Variants in CPS1 observed in about 807,000 individuals in gnomAD.
CPS1 encodes carbamoyl-phosphate synthase [ammonia], mitochondrial.
In CPS1, 109 loss-of-function variants were observed where a neutral mutation model predicts 174.6. The observed-to-expected ratio is 0.62, with a 90% confidence interval of 0.53 to 0.73. CPS1 has a LOEUF of 0.73. Ranked by LOEUF, CPS1 falls within the 30% of genes least tolerant of loss-of-function variation. The probability of loss-of-function intolerance (pLI) is 0.00; values close to 1 mark genes in which losing one functional copy is unlikely to be tolerated. For synonymous variants in CPS1, 637 were observed against 632.0 expected (o/e 1.01, Z -0.12); for missense variants, 1,689 against 1,821.9 (o/e 0.93, Z 1.33).
At chr2:210,553,484 A>T (rs1186790851), upstream of CPS1, among the ~76,000 whole-genome samples, 2 of 147,702 alleles carry the variant, frequency 1.4e-5, no homozygotes, top group African/African-American at 5.0e-5. Context: ...GACTAAATCT[A>T]AAAAAAAAAA....
intron 1 of CPS1, among the ~76,000 whole-genome samples, chr2:210,481,934 G>T (rs1030603721): frequency 6.6e-6 from 1 of 152,242 alleles, no homozygotes; most frequent in East Asian, 1.9e-4. Context: ...CTACTGGTCA[G>T]CCAGTGGCTA....
At chr2:210,536,508 A>G (rs1295003204) in intron 1 of CPS1, among the ~76,000 whole-genome samples, 1 of 152,034 alleles carries the variant, frequency 6.6e-6, no homozygotes, top group African/African-American at 2.4e-5. Context: ...TATTTTTAGT[A>G]GAGACGACAG....
chr2:210,496,129 C>G (rs893355291), intron 1 of CPS1, among the ~76,000 whole-genome samples: 2 of 152,122 alleles, frequency 1.3e-5, no homozygotes, highest in African/African-American at 4.8e-5. Flanking sequence ...GGACTTGCAC[C>G]TCACCAAAAA....
At chr2:210,533,213 A>G (rs2544310) in intron 1 of CPS1, among the ~76,000 whole-genome samples, 58,055 of 151,938 alleles carry the variant, frequency 0.38, 11,433 homozygotes, top group Middle Eastern at 0.51. Context: ...ATCCATGGAA[A>G]TGGTCTCTGG....
intron 33 of CPS1, among the ~76,000 whole-genome samples, chr2:210,666,667 T>C (rs1178858921): frequency 1.3e-5 from 2 of 152,156 alleles, no homozygotes; most frequent in South Asian, 2.1e-4. Context: ...GAGGGCTCTG[T>C]TCCGTTCTAT....
chr2:210,593,238 C>A, intron 11 of CPS1: 1 of 711,758 alleles, frequency 1.4e-6, no homozygotes, highest in Non-Finnish European at 2.1e-6. Flanking sequence ...CTGAAATTTA[C>A]AATTGTTGTA....
chr2:210,608,253 C>A, intron 18 of CPS1, 108 bp from the exon 19 acceptor site: 2 of 991,670 alleles, frequency 2.0e-6, no homozygotes, highest in African/African-American at 1.6e-5. Flanking sequence ...GTGTCTTATA[C>A]CCTGAAGTAG....
rs990064044 is a variant in CPS1, at chr2:210,490,530, C to T, written c.3+12764C>T. Among the ~76,000 whole-genome samples the T allele has an allele frequency of 3.9e-5, 6 of 152,182 alleles. No individual in the cohort carries two copies. The East Asian group carries it at 5.8e-4, about 15-fold the overall frequency. Reference sequence around the variant, plus strand: ...GAATTTATCCTTGAGCTCCTCTTCTCGTTGTAAAGTGCATTGCACCTATAA... The same window carrying T: ...GAATTTATCCTTGAGCTCCTCTTCTTGTTGTAAAGTGCATTGCACCTATAA... On this transcript the variant is annotated intron_variant, in intron 1 of 38. Coordinates refer to the CPS1 transcript ENST00000430249.
At chr2:210,538,052 C>T (rs575956532) in intron 1 of CPS1, among the ~76,000 whole-genome samples, 1 of 152,274 alleles carries the variant, frequency 6.6e-6, no homozygotes, top group East Asian at 1.9e-4. Context: ...CTTCAATCCT[C>T]CTGGTCTTGG....
At chr2:210,551,450 G>A (rs1378883055) in intron 1 of CPS1, among the ~76,000 whole-genome samples, 2 of 151,976 alleles carry the variant, frequency 1.3e-5, no homozygotes, top group Non-Finnish European at 2.9e-5. Context: ...TGGTCTGGGA[G>A]TAGTGTCTTT....
At chr2:210,496,345 TAACCCCC>T (rs1443956852) in intron 1 of CPS1, among the ~76,000 whole-genome samples, 1 of 152,216 alleles carries the variant, frequency 6.6e-6, no homozygotes, top group Non-Finnish European at 1.5e-5. Context: ...TGGTGGTTGA[TAACCCCC>T]ATCTTGTTAT....
At chr2:210,646,375 ATGG>A (rs1700377847) in intron 25 of CPS1, among the ~76,000 whole-genome samples, 1 of 152,206 alleles carries the variant, frequency 6.6e-6, no homozygotes, top group Non-Finnish European at 1.5e-5. Context: ...AATATGCAAA[ATGG>A]TGGATTATTA....
intron 1 of CPS1, among the ~76,000 whole-genome samples, chr2:210,482,684 GA>G: frequency 6.6e-6 from 1 of 152,206 alleles, no homozygotes; most frequent in Non-Finnish European, 1.5e-5. Context: ...GAAAGAGAGA[GA>G]GAGAGAGAGA....
intron 21 of CPS1, among the ~76,000 whole-genome samples, chr2:210,625,849 C>T (rs902215492): frequency 4.3e-4 from 65 of 151,994 alleles, no homozygotes; most frequent in African/African-American, 1.5e-3. Flanking sequence ...TGTGTTTGCT[C>T]TTTATCCTAT....
At position 210,582,819 on chromosome 2, in the gene CPS1, T is replaced by G. The variant is rs1293777755; in HGVS notation, c.621+110T>G. 3 of 868,614 alleles carry G rather than the reference T, an allele frequency of 3.5e-6. No individual in the cohort carries two copies. The African/African-American group carries it at 5.0e-5, about 15-fold the overall frequency. The allele number at this position is 868,614 out of a possible 1,614,324, so 53.8% of individuals were successfully genotyped here. On this transcript the variant is annotated intron_variant, in intron 6 of 37. Transcript: ENST00000233072. ...GTTTATCTTCCAGAAGCACCAGTGT[T>G]CAGGGGTAGAAAGGGATCTCATAGC...
At chr2:210,602,069 G>A in intron 15 of CPS1, 133 bp from the exon 16 acceptor site, 1 of 1,039,428 alleles carries the variant, frequency 9.6e-7, no homozygotes, top group Non-Finnish European at 1.4e-6. Flanking sequence ...ATGAGATGAG[G>A]GAATAATAGA....
At chr2:210,584,963 T>A (rs1165201317) in intron 6 of CPS1, among the ~76,000 whole-genome samples, 1 of 152,076 alleles carries the variant, frequency 6.6e-6, no homozygotes, top group Non-Finnish European at 1.5e-5. Context: ...TCCTTCCCCT[T>A]CTCGCCTGAA....
chr2:210,562,771 T>C (rs1242566084), intron 1 of CPS1, among the ~76,000 whole-genome samples: 1 of 152,106 alleles, frequency 6.6e-6, no homozygotes, highest in Non-Finnish European at 1.5e-5. Context: ...GCAAATAGTT[T>C]ACGTAGATAA....
chr2:210,642,377 T>A, intron 24 of CPS1, 107 bp from the exon 25 acceptor site: 1 of 1,347,532 alleles, frequency 7.4e-7, no homozygotes, highest in South Asian at 1.2e-5. Flanking sequence ...GAATTGAAAA[T>A]CATTAGCTTC....
Sources: gnomAD v4.1 joint callset for allele counts (sites outside exome capture counted in the v4.1 genomes callset) on GRCh38, gnomAD v4.1.1 for gene constraint, MANE v1.5 for transcripts, NCBI Gene and HGNC (gene_info 2026-07-23, HGNC 2026-07-21) for gene names.